CLEC4F: variants seen among roughly 807,000 people sequenced by gnomAD.
CLEC4F encodes C-type lectin domain family 4 member F, also known as C-type (calcium dependent, carbohydrate-recognition domain) lectin, superfamily member 13.
CLEC4F carries 45 observed loss-of-function variants against 53.4 expected under a neutral mutation model. The observed-to-expected ratio is 0.84, with a 90% CI of 0.66 to 1.08. The LOEUF (loss-of-function observed/expected upper bound fraction) is 1.08. CLEC4F is among the 50% of genes least tolerant of loss of function. The pLI, the probability that CLEC4F is intolerant of heterozygous loss-of-function variation, is 0.00. For synonymous variants in CLEC4F, 245 were observed against 257.5 expected (o/e 0.95, Z 0.46); for missense variants, 753 against 698.2 (o/e 1.08, Z -0.88).
chr2:70,819,278 A>G (rs2104676217), intron 3 of CLEC4F, 77 bp downstream of exon 3: 1 of 1,101,416 alleles, frequency 9.1e-7, no homozygotes, highest in African/African-American at 1.5e-5. Flanking sequence ...GGGTACCAGG[A>G]GAGAAGCTCA....
chr2:70,814,838 C>CAAAAAAAAAAAA (rs60330725), intron 4 of CLEC4F, among the ~76,000 whole-genome samples: 2 of 140,966 alleles, frequency 1.4e-5, no homozygotes, highest in African/African-American at 5.3e-5. Context: ...ACACCCTCAC[C>CAAAAAAAAAAAA]AAAAAAAAAA....
chr2:70,810,372 A>T (rs1220517759), intron 5 of CLEC4F, among the ~76,000 whole-genome samples: 1 of 152,122 alleles, frequency 6.6e-6, no homozygotes, highest in Non-Finnish European at 1.5e-5. Flanking sequence ...TAATCCCAGC[A>T]CTTTGGGAGG....
intron 5 of CLEC4F, among the ~76,000 whole-genome samples, chr2:70,810,138 CTTT>C (rs144978548): frequency 7.0e-6 from 1 of 143,066 alleles, no homozygotes. Flanking sequence ...AGCTCTCACT[CTTT>C]TTTTTTTTTT....
upstream of CLEC4F, chr2:70,820,618 C>A (rs1229035211): frequency 1.4e-5 from 17 of 1,247,044 alleles, no homozygotes; most frequent in Non-Finnish European, 1.7e-5. Context: ...AGCTGAGACA[C>A]CCACACTTAT....
At chr2:70,815,762 A>G (rs1401043544) in intron 4 of CLEC4F, among the ~76,000 whole-genome samples, 2 of 152,076 alleles carry the variant, frequency 1.3e-5, no homozygotes, top group Admixed American at 1.3e-4. Context: ...TGCACCATTT[A>G]CAGTTGGTTT....
chr2:70,817,257 C>T, intron 3 of CLEC4F, 145 bp from the exon 4 acceptor site: 1 of 792,038 alleles, frequency 1.3e-6, no homozygotes, highest in Non-Finnish European at 1.9e-6. Flanking sequence ...CTCCTGGTCA[C>T]ACAGCCACCC....
At chr2:70,813,603 CTT>C (rs1676714554) in intron 4 of CLEC4F, among the ~76,000 whole-genome samples, 147 of 108,630 alleles carry the variant, frequency 1.4e-3, no homozygotes, top group African/African-American at 5.8e-3. Context: ...CTTTCTCTTT[CTT>C]TCTTTCTTTC....
In CLEC4F at chr2:70,808,990, A is replaced by T. The variant is rs1187346878; in HGVS notation, c.*281T>A. On this transcript the variant is annotated 3_prime_UTR_variant, in exon 7 of 7. Transcript: ENST00000272367. ...CCACTGATAGGGGGTGTCACAGGTCATGTCATTCCACTTCTGCTGAATTTG... is the reference window on the plus strand; with the variant it reads ...CCACTGATAGGGGGTGTCACAGGTCTTGTCATTCCACTTCTGCTGAATTTG... The T allele has an allele frequency of 1.6e-6, 2 of 1,253,762 alleles. No homozygotes were observed. Among genetic ancestry groups the T allele is most frequent in the East Asian group, 5.1e-5 (2 of 39,512 alleles). The allele number at this position is 1,253,762 out of a possible 1,614,324, so 77.7% of individuals were successfully genotyped here.
At chr2:70,817,262 C>A in intron 3 of CLEC4F, 150 bp from the exon 4 acceptor site, 1 of 753,544 alleles carries the variant, frequency 1.3e-6, no homozygotes, top group Non-Finnish European at 2.1e-6. Flanking sequence ...GGTCACACAG[C>A]CACCCAGACC....
In CLEC4F at chr2:70,808,977, G is replaced by A; in HGVS notation, c.*294C>T. The A allele has an allele frequency of 9.0e-7, 1 of 1,107,688 alleles. No homozygotes were observed. The highest frequency in any genetic ancestry group is 1.3e-6 in the Non-Finnish European group (1 of 765,390). 68.6% of individuals were successfully genotyped at this position (1,107,688 alleles called of 1,614,324 possible). A position where few individuals can be genotyped will look rare whatever the true frequency, so the allele number is the denominator to read the frequency against. ...GCTTCTTGCACACCCACTGATAGGG[G>A]GTGTCACAGGTCATGTCATTCCACT... is the stretch of plus-strand genomic sequence containing the variant. On this transcript the variant is annotated 3_prime_UTR_variant, in exon 7 of 7. Transcript: ENST00000272367.
At chr2:70,819,319 T>G (rs782433694) in intron 3 of CLEC4F, 36 bp downstream of exon 3, 27 of 1,553,000 alleles carry the variant, frequency 1.7e-5, no homozygotes, top group Non-Finnish European at 2.4e-5. Context: ...AAGGCCCCAG[T>G]TCCCTCTGCA....
At chr2:70,815,798 C>A (rs1197441792) in intron 4 of CLEC4F, among the ~76,000 whole-genome samples, 196 bp downstream of exon 4, 2 of 152,148 alleles carry the variant, frequency 1.3e-5, no homozygotes, top group African/African-American at 4.8e-5. Context: ...TCACCGTGAC[C>A]AGGTTATAAG....
upstream of CLEC4F, among the ~76,000 whole-genome samples, chr2:70,822,122 T>C (rs1677240041): frequency 6.6e-6 from 1 of 152,118 alleles, no homozygotes; most frequent in Non-Finnish European, 1.5e-5. Context: ...GTAGCTAGCA[T>C]CTGAAGGGGG....
chr2:70,819,726 T>C (rs1677125152), intron 2 of CLEC4F, 49 bp downstream of exon 2: 2 of 1,382,824 alleles, frequency 1.4e-6, no homozygotes, highest in South Asian at 1.3e-5. Flanking sequence ...GGGGACTTTG[T>C]GCTGAAAGGA....
upstream of CLEC4F, among the ~76,000 whole-genome samples, chr2:70,823,985 G>T (rs1677287385): frequency 7.2e-6 from 1 of 138,770 alleles, no homozygotes; most frequent in Non-Finnish European, 1.5e-5. Context: ...AGCCGAGATT[G>T]TGCCACTGCA....
At chr2:70,810,211 C>G (rs782009555) in intron 5 of CLEC4F, among the ~76,000 whole-genome samples, 21 of 151,232 alleles carry the variant, frequency 1.4e-4, no homozygotes, top group Non-Finnish European at 2.2e-4. Context: ...AGCAATTTTA[C>G]CAAACTGTAA....
At position 70,820,480 on chromosome 2, in the gene CLEC4F, A is replaced by AT; in HGVS notation, c.43_44insA (p.Val15AspfsTer73). 1 of 1,589,014 alleles carries AT rather than the reference A, an allele frequency of 6.3e-7. No homozygotes were observed. Among genetic ancestry groups the AT allele is most frequent in the South Asian group, 1.1e-5 (1 of 87,372 alleles). ...TTTCTCACCTTGGGGGTGCAGGGAG[A>AT]CACACTGGTTATCTGTGCAGAAGCG... On this transcript the variant is annotated frameshift_variant, in exon 1 of 7. Transcript: ENST00000272367. LOFTEE classifies it high-confidence loss of function.
In CLEC4F at chr2:70,816,592, A is replaced by G. The variant is rs1414468947; in HGVS notation, c.789T>C (p.Ser263=). Residue 263 remains serine (S), a synonymous_variant, in exon 4 of 7, where the codon AGT becomes AGC. Coordinates refer to ENST00000272367, the MANE Select transcript of CLEC4F (RefSeq NM_173535.3). The part of the protein sequence containing the change: ...EIYVLRGHLD[S]VNDLRTQNQV... ...GGTTCTGGGTCCTCAAGTCATTGAC[A>G]CTATCTAGATGGCCTCTCAAAACAT... is the stretch of plus-strand genomic sequence containing the variant. 1 of 1,613,918 alleles carries G rather than the reference A, an allele frequency of 6.2e-7. No individual in the cohort carries two copies.
chr2:70,821,205 T>C (rs1677206933), upstream of CLEC4F, among the ~76,000 whole-genome samples: 1 of 152,202 alleles, frequency 6.6e-6, no homozygotes, highest in South Asian at 2.1e-4. Context: ...TTCATCTCAG[T>C]TCCTGACACA....
Sources: gnomAD v4.1 joint callset for allele counts (sites outside exome capture counted in the v4.1 genomes callset) on GRCh38, gnomAD v4.1.1 for gene constraint, MANE v1.5 for transcripts, NCBI Gene and HGNC (gene_info 2026-07-23, HGNC 2026-07-21) for gene names.